The following CEP89 variants were observed in gnomAD, a reference collection of about 807,000 sequenced individuals.
CEP89 encodes the protein centrosomal protein of 89 kDa.
CEP89 carries 95 observed loss-of-function variants against 97.6 expected under a neutral mutation model. That is an observed-to-expected ratio of 0.97 (90% CI 0.82 to 1.15). The LOEUF (loss-of-function observed/expected upper bound fraction) is 1.15, where lower values mean the gene tolerates loss of function less well. Among genes scored for constraint, CEP89 ranks in the 50% most tolerant of loss-of-function variants. The pLI is 0.00. For missense variants in CEP89, 869 were observed against 947.7 expected (o/e 0.92, Z 1.09); for synonymous variants, 354 against 349.1 (o/e 1.01, Z -0.16).
chr19:32,905,290 G>A (rs797011982), intron 14 of CEP89, among the ~76,000 whole-genome samples: 1 of 152,298 alleles, frequency 6.6e-6, no homozygotes, highest in African/African-American at 2.4e-5. Flanking sequence ...ACATTCATAA[G>A]TGAAATGAAA....
In CEP89 at chr19:32,971,920, G is replaced by C. The variant is rs1438567154; in HGVS notation, c.-46C>G. ...GGACCGGGGCCTGGACTCATCAGCA[G>C]ATCTATCCACAGCCAGGGACCACTC... On this transcript the variant is annotated 5_prime_UTR_variant, in exon 1 of 19. It adds an upstream start codon to the 5' untranslated region. Transcript: ENST00000305768. 3.2e-6 allele frequency: 5 copies of C among 1,564,222 alleles called. No homozygotes were observed. Among genetic ancestry groups the C allele is most frequent in the South Asian group, 1.2e-5 (1 of 85,800 alleles).
At chr19:32,932,688 C>T (rs1172059385) in intron 8 of CEP89, among the ~76,000 whole-genome samples, 16 of 151,758 alleles carry the variant, frequency 1.1e-4, no homozygotes, top group Admixed American at 1.1e-3. Flanking sequence ...ATCTAAAATC[C>T]CAGTGCTTTA....
At chr19:32,934,515 G>A (rs1029065725) in intron 7 of CEP89, among the ~76,000 whole-genome samples, 5 of 152,154 alleles carry the variant, frequency 3.3e-5, no homozygotes, top group East Asian at 1.9e-4. Context: ...AGGGAGAGGC[G>A]GAAGCAGAGC....
At chr19:32,882,374 C>T (rs907281358) in intron 17 of CEP89, among the ~76,000 whole-genome samples, 7 of 151,994 alleles carry the variant, frequency 4.6e-5, no homozygotes, top group African/African-American at 1.7e-4. Context: ...ACCAGCCTGG[C>T]CAACATGGTG....
At chr19:32,902,010 C>CTCTGTGTGTGTGTGTGTGTG (rs1207481256) in intron 14 of CEP89, among the ~76,000 whole-genome samples, 339 of 133,792 alleles carry the variant, frequency 2.5e-3, no homozygotes, top group Non-Finnish European at 4.5e-3. Context: ...CTCTCTCTCT[C>CTCTGTGTGTGTGTGTGTGTG]TGTGTGTGTG....
intron 2 of CEP89, among the ~76,000 whole-genome samples, chr19:32,965,515 G>A (rs2145976332): frequency 6.6e-6 from 1 of 151,890 alleles, no homozygotes; most frequent in African/African-American, 2.4e-5. Context: ...GGGAAACATG[G>A]CAAAACCCTA....
Position 32,926,255 on chromosome 19 carries a change from A to T in CEP89, c.1099T>A (p.Ser367Thr). Residue 367 changes from serine (S) to threonine (T), a missense_variant, in exon 11 of 19, where the codon TCA becomes ACA. Transcript: ENST00000305768. ...TCTTCATAAGCCAGCAACAATGGTG[A>T]CAGGTACTTTATATCCAACTGAAGA... ...PPWLLDIKYLSPLLLAYEDMM... is the reference protein window; with the variant it reads ...PPWLLDIKYLTPLLLAYEDMM... 6.2e-7 allele frequency: 1 copy of T among 1,612,584 alleles called. No individual in the cohort carries two copies.
rs1223787484 is a variant in CEP89, at chr19:32,879,014, CTA to C, written c.*146_*147del. ...AGCAAAATGTTATCAATGGATTAAACTATGAGACCATTTATTTCTTCCCTGCC... is the reference window on the plus strand; with the variant it reads ...AGCAAAATGTTATCAATGGATTAAACTGAGACCATTTATTTCTTCCCTGCC... On this transcript the variant is annotated 3_prime_UTR_variant, in exon 19 of 19. Coordinates refer to ENST00000305768, the MANE Select transcript of CEP89 (RefSeq NM_032816.5). 14 of 559,838 alleles carry C rather than the reference CTA, an allele frequency of 2.5e-5. No individual in the cohort carries two copies. Among genetic ancestry groups the C allele is most frequent in the Non-Finnish European group, 4.0e-5 (13 of 322,922 alleles). The allele number at this position is 559,838 out of a possible 1,614,324, so 34.7% of individuals were successfully genotyped here. A position where few individuals can be genotyped will look rare whatever the true frequency, so the allele number is the denominator to read the frequency against.
chr19:32,882,256 A>G (rs1468776702), intron 17 of CEP89, among the ~76,000 whole-genome samples: 1 of 152,204 alleles, frequency 6.6e-6, no homozygotes, highest in African/African-American at 2.4e-5. Flanking sequence ...ATATGCTATA[A>G]ATAAATGAAA....
intron 1 of CEP89, 41 bp downstream of exon 1, chr19:32,971,794 GC>G (rs1405820176): frequency 1.3e-6 from 2 of 1,572,334 alleles, no homozygotes; most frequent in South Asian, 1.2e-5. Context: ...CTAATTCCCG[GC>G]CCCACAGAGC....
At chr19:32,947,088 T>A (rs940533130) in intron 5 of CEP89, among the ~76,000 whole-genome samples, 52 of 152,138 alleles carry the variant, frequency 3.4e-4, no homozygotes, top group Non-Finnish European at 2.6e-4. Context: ...GAGAAATGAT[T>A]TACAGAAACG....
chr19:32,876,372 C>T lies in CEP89; in HGVS notation c.*2790G>A, dbSNP rs1969180305. The T allele has an allele frequency of 6.6e-6, 1 of 152,428 alleles. No homozygotes were observed. Among genetic ancestry groups the T allele is most frequent in the African/African-American group, 2.4e-5 (1 of 41,462 alleles). 9.4% of individuals were successfully genotyped at this position (152,428 alleles called of 1,614,324 possible). A position where few individuals can be genotyped will look rare whatever the true frequency, so the allele number is the denominator to read the frequency against. ...AGGAATCTTCCAATGCCGTATGAAACCTCACCAGGACCAAGAAAGAGAAGG... is the reference window on the plus strand; with the variant it reads ...AGGAATCTTCCAATGCCGTATGAAATCTCACCAGGACCAAGAAAGAGAAGG... On this transcript the variant is annotated 3_prime_UTR_variant, in exon 19 of 19. Coordinates refer to ENST00000305768, the MANE Select transcript of CEP89 (RefSeq NM_032816.5).
intron 1 of CEP89, among the ~76,000 whole-genome samples, chr19:32,967,867 T>C (rs1971317212): frequency 6.6e-6 from 1 of 152,118 alleles, no homozygotes; most frequent in Non-Finnish European, 1.5e-5. Context: ...CTTGGGGGCA[T>C]GGTGGGGACA....
intron 5 of CEP89, among the ~76,000 whole-genome samples, chr19:32,942,539 C>T (rs1388098513): frequency 6.6e-6 from 1 of 152,152 alleles, no homozygotes; most frequent in African/African-American, 2.4e-5. Flanking sequence ...GGAAATCATG[C>T]TATTTTATCT....
At chr19:32,907,802 G>A (rs1969919951) in intron 14 of CEP89, among the ~76,000 whole-genome samples, 1 of 152,158 alleles carries the variant, frequency 6.6e-6, no homozygotes, top group Non-Finnish European at 1.5e-5. Context: ...GGCCAGGCTG[G>A]TCTTGAACTC....
intron 4 of CEP89, among the ~76,000 whole-genome samples, chr19:32,949,916 C>T (rs189302665): frequency 3.9e-4 from 59 of 152,214 alleles, no homozygotes; most frequent in Non-Finnish European, 6.2e-4. Flanking sequence ...GCTACGTCCA[C>T]CTGTCTCTGT....
intron 5 of CEP89, among the ~76,000 whole-genome samples, chr19:32,947,896 G>A (rs1005979987): frequency 2.0e-5 from 3 of 152,140 alleles, no homozygotes; most frequent in Non-Finnish European, 4.4e-5. Flanking sequence ...GACCTTCCGA[G>A]CTCAAGTGAT....
chr19:32,969,290 C>T (rs34821689), intron 1 of CEP89: 17,088 of 152,412 alleles, frequency 0.11, 1,174 homozygotes, highest in East Asian at 0.29. Flanking sequence ...TGGCTGAGCC[C>T]AGGGTTTTTA....
Position 32,899,950 on chromosome 19 carries a change from G to T in CEP89, c.1782C>A (p.Ala594=), listed in dbSNP as rs1352536351. ...GATGAGCAGACATTTCGTTCCCCAT[G>T]GCTTTTTCCACCTGCTTTTTGAGGA... ...IEVLKKQVEK[A]MGNEMSAHQY... is the part of the protein sequence containing the mutation. The change falls in exon 16 of 19, where the codon GCC becomes GCA. Residue 594 remains alanine (A), a synonymous_variant. Coordinates refer to ENST00000305768, the MANE Select transcript of CEP89 (RefSeq NM_032816.5). 1.2e-6 allele frequency: 2 copies of T among 1,613,848 alleles called. No individual in the cohort carries two copies. The highest frequency in any genetic ancestry group is 1.7e-6 in the Non-Finnish European group (2 of 1,179,958).
Sources: gnomAD v4.1 joint callset for allele counts (sites outside exome capture counted in the v4.1 genomes callset) on GRCh38, gnomAD v4.1.1 for gene constraint, MANE v1.5 for transcripts, NCBI Gene and HGNC (gene_info 2026-07-23, HGNC 2026-07-21) for gene names.